MALRD1: variants seen among roughly 807,000 people sequenced by gnomAD.
MALRD1 encodes the protein MAM and LDL-receptor class A domain-containing protein 1.
MALRD1 carries 247 observed loss-of-function variants against 242.1 expected under a neutral mutation model. The ratio of observed to expected loss-of-function variants is 1.02; its 90% CI spans 0.92 to 1.13. The LOEUF (loss-of-function observed/expected upper bound fraction) is 1.13, where lower values mean the gene tolerates loss of function less well. Ranked by LOEUF, MALRD1 falls within the 50% of genes most tolerant of loss-of-function variation. The pLI is 0.00. For synonymous variants in MALRD1, 995 were observed against 866.6 expected (o/e 1.15, Z -2.60); for missense variants, 2,989 against 2,533.1 (o/e 1.18, Z -3.86).
chr10:19,339,676 T>G (rs1843756537), intron 24 of MALRD1, among the ~76,000 whole-genome samples: 1 of 152,188 alleles, frequency 6.6e-6, no homozygotes. Context: ...TACAGCAAAA[T>G]TCATTGCCAT....
chr10:19,241,482 G>A (rs562816342), intron 18 of MALRD1, among the ~76,000 whole-genome samples: 2 of 151,874 alleles, frequency 1.3e-5, no homozygotes, highest in South Asian at 4.2e-4. Flanking sequence ...TTAGCTAAAG[G>A]TTTGTCAGTT....
intron 26 of MALRD1, among the ~76,000 whole-genome samples, chr10:19,361,587 C>A (rs1174748864): frequency 6.6e-6 from 1 of 152,070 alleles, no homozygotes; most frequent in Non-Finnish European, 1.5e-5. Flanking sequence ...GGATATTTAA[C>A]TGAATGTTGG....
chr10:19,210,571 C>T (rs1291780571), intron 18 of MALRD1, among the ~76,000 whole-genome samples: 1 of 152,224 alleles, frequency 6.6e-6, no homozygotes, highest in Non-Finnish European at 1.5e-5. Flanking sequence ...TTACCTGTCC[C>T]TGGCTAAACT....
intron 32 of MALRD1, among the ~76,000 whole-genome samples, chr10:19,532,652 A>T (rs1160110424): frequency 1.3e-5 from 2 of 152,136 alleles, no homozygotes; most frequent in African/African-American, 2.4e-5. Context: ...GAGAGAACGA[A>T]AAAAGGCCTT....
chr10:19,710,237 T>A (rs901906728), intron 38 of MALRD1: 1 of 152,186 alleles, frequency 6.6e-6, no homozygotes, highest in African/African-American at 2.4e-5. Flanking sequence ...AAAAGCAGTG[T>A]CTGGCAGCTG....
At chr10:19,065,369 A>C (rs1406237152) in intron 1 of MALRD1, among the ~76,000 whole-genome samples, 2 of 150,954 alleles carry the variant, frequency 1.3e-5, no homozygotes, top group Admixed American at 1.3e-4. Context: ...CTAGAAAGGG[A>C]GTGGTAACTT....
At chr10:19,056,262 T>A (rs530054832) in intron 1 of MALRD1, among the ~76,000 whole-genome samples, 23 of 152,256 alleles carry the variant, frequency 1.5e-4, no homozygotes, top group African/African-American at 5.1e-4. Context: ...TTGCATTAAA[T>A]CTGTAGATCG....
chr10:19,703,900 CAAAT>C (rs1247532339), intron 38 of MALRD1, among the ~76,000 whole-genome samples: 5 of 151,956 alleles, frequency 3.3e-5, no homozygotes, highest in Non-Finnish European at 7.4e-5. Flanking sequence ...GACTCAAAAA[CAAAT>C]AAATAAATAA....
chr10:19,269,568 C>T (rs144826647), intron 19 of MALRD1, among the ~76,000 whole-genome samples: 3 of 152,312 alleles, frequency 2.0e-5, no homozygotes, highest in Non-Finnish European at 4.4e-5. Context: ...CATGAAGAAC[C>T]GGCCTGACCA....
chr10:19,588,284 A>T (rs1312749945), intron 33 of MALRD1, among the ~76,000 whole-genome samples: 3 of 152,224 alleles, frequency 2.0e-5, no homozygotes, highest in Admixed American at 1.3e-4. Flanking sequence ...CATATTAATT[A>T]TCAAGAAAAG....
intron 36 of MALRD1, among the ~76,000 whole-genome samples, chr10:19,675,375 C>T (rs951543094): frequency 6.6e-6 from 1 of 152,098 alleles, no homozygotes; most frequent in African/African-American, 2.4e-5. Context: ...ACTTACAAAG[C>T]CATTGCTCTC....
intron 18 of MALRD1, among the ~76,000 whole-genome samples, chr10:19,238,069 T>A (rs372810207): frequency 0.095 from 4 of 42 alleles, 1 homozygote; most frequent in Non-Finnish European, 0.14. Context: ...AGTTACATAT[T>A]ATATATTATA....
chr10:19,360,171 T>G (rs1844828737), intron 26 of MALRD1, among the ~76,000 whole-genome samples: 1 of 152,082 alleles, frequency 6.6e-6, no homozygotes, highest in Non-Finnish European at 1.5e-5. Context: ...ACTAAAAGTA[T>G]ATGAGTAGGG....
intron 24 of MALRD1, among the ~76,000 whole-genome samples, chr10:19,335,307 G>A (rs1400585705): frequency 2.0e-5 from 3 of 151,560 alleles, no homozygotes; most frequent in Non-Finnish European, 4.4e-5. Flanking sequence ...CAGCTCCTAG[G>A]ACAAACAAAC....
chr10:19,061,647 G>A (rs980053906), intron 1 of MALRD1, among the ~76,000 whole-genome samples: 1 of 152,066 alleles, frequency 6.6e-6, no homozygotes. Flanking sequence ...CAAATATATG[G>A]TCAAGTGAGT....
At chr10:19,261,771 C>G (rs1588802063) in intron 19 of MALRD1, among the ~76,000 whole-genome samples, 1 of 151,690 alleles carries the variant, frequency 6.6e-6, no homozygotes, top group South Asian at 2.1e-4. Flanking sequence ...ACTTCAAAAT[C>G]AACCTTTTCC....
chr10:19,426,535 C>T (rs1268403132), intron 28 of MALRD1, among the ~76,000 whole-genome samples: 1 of 152,180 alleles, frequency 6.6e-6, no homozygotes, highest in Admixed American at 6.5e-5. Context: ...GGCACGGTGG[C>T]TCACGCTTGT....
At chr10:19,624,771 C>T (rs1462465731) in intron 36 of MALRD1, among the ~76,000 whole-genome samples, 1 of 150,040 alleles carries the variant, frequency 6.7e-6, no homozygotes, top group East Asian at 2.0e-4. Context: ...GAGGCTAAGG[C>T]AGGAGAATCA....
intron 8 of MALRD1, among the ~76,000 whole-genome samples, chr10:19,131,738 T>C (rs887808694): frequency 6.6e-6 from 1 of 152,126 alleles, no homozygotes; most frequent in Non-Finnish European, 1.5e-5. Flanking sequence ...TTAATAAATA[T>C]GTTAAATATT....
Sources: gnomAD v4.1 joint callset for allele counts (sites outside exome capture counted in the v4.1 genomes callset) on GRCh38, gnomAD v4.1.1 for gene constraint, MANE v1.5 for transcripts, NCBI Gene and HGNC (gene_info 2026-07-23, HGNC 2026-07-21) for gene names.